The following TAFA2 variants were observed in gnomAD, a reference collection of about 807,000 sequenced individuals.
TAFA2 encodes the protein chemokine-like protein TAFA-2.
A neutral mutation model predicts 18.8 loss-of-function variants in TAFA2; 7 were observed. The observed-to-expected ratio is 0.37, with a 90% CI of 0.21 to 0.70. The LOEUF (loss-of-function observed/expected upper bound fraction) is 0.70. Among genes scored for constraint, TAFA2 ranks in the 30% least tolerant of loss-of-function variants. The pLI is 0.53. For missense variants in TAFA2, 122 were observed against 158.1 expected, an observed-to-expected ratio of 0.77 and a Z score of 1.23; for synonymous variants, 60 against 54.2, an observed-to-expected ratio of 1.11 and a Z score of -0.47.
intron 2 of TAFA2, among the ~76,000 whole-genome samples, chr12:61,781,243 G>A (rs928316592): frequency 2.6e-5 from 4 of 151,684 alleles, no homozygotes; most frequent in African/African-American, 9.7e-5. Flanking sequence ...GAAGAGCCAG[G>A]AGAGGGAATG....
chr12:62,000,793 T>C (rs1159167154), intron 1 of TAFA2, among the ~76,000 whole-genome samples: 2 of 152,218 alleles, frequency 1.3e-5, no homozygotes, highest in Admixed American at 1.3e-4. Flanking sequence ...CTCACCAACA[T>C]GTTAAGCAAA....
chr12:61,874,582 T>G (rs539640742), intron 1 of TAFA2, among the ~76,000 whole-genome samples: 1 of 152,184 alleles, frequency 6.6e-6, no homozygotes, highest in Non-Finnish European at 1.5e-5. Context: ...TATTGCTTTA[T>G]GCCTAGCCAT....
chr12:62,191,282 G>T lies in TAFA2; in HGVS notation c.-25C>A, dbSNP rs972471604. On this transcript the variant is annotated 5_prime_UTR_variant, in exon 1 of 5. Transcript: ENST00000416284. ...ACCTGCAGCCCCGCTTCCCGGTGGC[G>T]GCAACACCTAGCGATGCTCCTGCAG... 1 of 152,224 alleles carries T rather than the reference G, an allele frequency of 6.6e-6. No homozygotes were observed. The highest frequency in any genetic ancestry group is 1.5e-5 in the Non-Finnish European group (1 of 68,054). 9.4% of individuals were successfully genotyped at this position (152,224 alleles called of 1,614,324 possible).
At chr12:61,941,358 C>A (rs1878003774) in intron 1 of TAFA2, among the ~76,000 whole-genome samples, 1 of 152,118 alleles carries the variant, frequency 6.6e-6, no homozygotes, top group African/African-American at 2.4e-5. Context: ...CACATTAGCT[C>A]ACATAACTTT....
intron 2 of TAFA2, among the ~76,000 whole-genome samples, chr12:61,821,886 A>C: frequency 6.6e-6 from 1 of 152,098 alleles, no homozygotes; most frequent in East Asian, 1.9e-4. Context: ...TTTCCTAGGC[A>C]TTATCACCTT....
chr12:61,804,680 A>T (rs1871537275), intron 2 of TAFA2, among the ~76,000 whole-genome samples: 1 of 152,070 alleles, frequency 6.6e-6, no homozygotes, highest in Admixed American at 6.6e-5. Flanking sequence ...TACCTGGAAT[A>T]AATTCTAACA....
chr12:62,172,481 A>G (rs1486019592), intron 1 of TAFA2, among the ~76,000 whole-genome samples: 3 of 152,258 alleles, frequency 2.0e-5, no homozygotes, highest in Non-Finnish European at 4.4e-5. Flanking sequence ...ATAGTCATCA[A>G]TATGCCAAAA....
intron 1 of TAFA2, among the ~76,000 whole-genome samples, chr12:62,221,610 A>G (rs1458963344): frequency 6.6e-6 from 1 of 152,216 alleles, no homozygotes; most frequent in African/African-American, 2.4e-5. Context: ...GGTTTTTAGC[A>G]AATGGGTGTG....
intron 2 of TAFA2, among the ~76,000 whole-genome samples, chr12:61,828,254 A>G (rs1872594770): frequency 6.6e-6 from 1 of 151,932 alleles, no homozygotes; most frequent in South Asian, 2.1e-4. Context: ...ATAATCTGAT[A>G]ACACAGCAAA....
intron 1 of TAFA2, among the ~76,000 whole-genome samples, chr12:62,086,206 A>AAC (rs779765243): frequency 5.2e-4 from 79 of 151,216 alleles, no homozygotes; most frequent in East Asian, 1.8e-3. Context: ...AAAAAAAAAA[A>AAC]CAGGAAAAAG....
intron 1 of TAFA2, among the ~76,000 whole-genome samples, chr12:62,160,852 T>C (rs1356627091): frequency 6.6e-6 from 1 of 152,152 alleles, no homozygotes; most frequent in African/African-American, 2.4e-5. Context: ...GATGGTCTGG[T>C]ATCCAGTCCA....
chr12:62,182,918 C>T (rs116805223), intron 1 of TAFA2, among the ~76,000 whole-genome samples: 1,547 of 152,244 alleles, frequency 0.01, 22 homozygotes, highest in African/African-American at 0.03. Flanking sequence ...ATTGTTGAAC[C>T]ATTCCTTCAG....
chr12:62,257,507 G>C (rs1185215296), intron 1 of TAFA2, among the ~76,000 whole-genome samples: 1 of 152,146 alleles, frequency 6.6e-6, no homozygotes, highest in Admixed American at 6.5e-5. Flanking sequence ...TCAGTAAGCA[G>C]AGAGGTTTGG....
intron 1 of TAFA2, among the ~76,000 whole-genome samples, chr12:61,953,194 G>A (rs1319857132): frequency 1.3e-5 from 2 of 151,910 alleles, no homozygotes; most frequent in African/African-American, 4.8e-5. Context: ...AGAGCACTAT[G>A]CACTTTCCAA....
intron 2 of TAFA2, among the ~76,000 whole-genome samples, chr12:61,789,387 T>A (rs1870877587): frequency 6.6e-6 from 1 of 151,922 alleles, no homozygotes; most frequent in Non-Finnish European, 1.5e-5. Context: ...CAACACCATT[T>A]ATTAAATAGG....
chr12:61,853,900 C>T (rs1288154935), intron 2 of TAFA2, among the ~76,000 whole-genome samples: 1 of 152,184 alleles, frequency 6.6e-6, no homozygotes, highest in Admixed American at 6.5e-5. Context: ...CCCACCCTAA[C>T]TGCTTTCACC....
At chr12:62,068,208 T>C (rs1299340556) in intron 1 of TAFA2, among the ~76,000 whole-genome samples, 1 of 151,982 alleles carries the variant, frequency 6.6e-6, no homozygotes, top group Non-Finnish European at 1.5e-5. Context: ...ATACAGGAAA[T>C]GTTGTGATGA....
intron 1 of TAFA2, among the ~76,000 whole-genome samples, chr12:62,048,227 T>G (rs1592304242): frequency 1.5e-5 from 2 of 130,276 alleles, no homozygotes; most frequent in African/African-American, 5.9e-5. Context: ...GCTGGGGAGG[T>G]CTCAGGAAAC....
Position 62,221,722 on chromosome 12 carries a change from AG to A in TAFA2, c.-130+37040del, listed in dbSNP as rs577728099. 1.8e-4 allele frequency among the ~76,000 whole-genome samples: 28 copies of A among 152,296 alleles called. No individual in the cohort carries two copies. The East Asian group carries it at 5.2e-3, about 28-fold the overall frequency. On this transcript the variant is annotated intron_variant, in intron 1 of 5. Transcript: ENST00000551619. Reference sequence around the variant, plus strand: ...GTAAATATAAAGACAAAAATGATAAAGATTTTAGAAAATAGAATTGGAGGAT... The same window carrying A: ...GTAAATATAAAGACAAAAATGATAAAATTTTAGAAAATAGAATTGGAGGAT...
Sources: allele counts gnomAD v4.1 joint callset (sites outside exome capture counted in the v4.1 genomes callset), GRCh38; gene constraint gnomAD v4.1.1; transcripts MANE v1.5; gene names NCBI Gene and HGNC (gene_info 2026-07-23, HGNC 2026-07-21).